LRRC4C: variants seen among roughly 807,000 people sequenced by gnomAD.
The protein encoded by LRRC4C is leucine-rich repeat-containing protein 4C.
LRRC4C carries 5 observed loss-of-function variants against 33.6 expected under a neutral mutation model. The ratio of observed to expected loss-of-function variants is 0.15; its 90% CI spans 0.08 to 0.31. LRRC4C has a LOEUF of 0.31. Among genes scored for constraint, LRRC4C ranks in the 10% least tolerant of loss-of-function variants. LRRC4C has a pLI of 1.00. For synonymous variants in LRRC4C, 329 were observed against 302.0 expected (o/e 1.09, Z -0.93); for missense variants, 560 against 796.7 (o/e 0.70, Z 3.58).
chr11:41,074,260 G>T (rs1938938431), intron 1 of LRRC4C, among the ~76,000 whole-genome samples: 1 of 152,010 alleles, frequency 6.6e-6, no homozygotes, highest in African/African-American at 2.4e-5. Context: ...GGAGAATAAA[G>T]GATGATAGAT....
intron 3 of LRRC4C, among the ~76,000 whole-genome samples, chr11:40,320,347 T>C (rs970933860): frequency 5.9e-5 from 9 of 151,692 alleles, no homozygotes; most frequent in Non-Finnish European, 2.9e-5. Context: ...CCACTAAAAA[T>C]ACAAAAAATT....
At chr11:41,138,092 A>T (rs1943343930) in intron 1 of LRRC4C, among the ~76,000 whole-genome samples, 1 of 152,210 alleles carries the variant, frequency 6.6e-6, no homozygotes, top group Admixed American at 6.6e-5. Flanking sequence ...GTATTCATTC[A>T]CTTACCTCAC....
intron 1 of LRRC4C, among the ~76,000 whole-genome samples, chr11:41,358,962 A>G (rs1170865422): frequency 6.6e-6 from 1 of 152,168 alleles, no homozygotes; most frequent in East Asian, 1.9e-4. Context: ...CAAAATTTGG[A>G]AGCAACCAAA....
At chr11:40,975,364 C>T (rs1245558869) in intron 1 of LRRC4C, among the ~76,000 whole-genome samples, 2 of 152,116 alleles carry the variant, frequency 1.3e-5, no homozygotes, top group East Asian at 3.9e-4. Flanking sequence ...GATAGATAGA[C>T]CCTATTGGTT....
chr11:40,500,756 C>A (rs1037408715), intron 3 of LRRC4C, among the ~76,000 whole-genome samples: 34 of 151,980 alleles, frequency 2.2e-4, no homozygotes, highest in African/African-American at 7.3e-5. Context: ...GGACACAGAG[C>A]CAACCCATAT....
rs115367512 is a variant in LRRC4C, at chr11:40,627,603, G to A, written c.-270+20539C>T. ...CAGGTAGCTGCACTTTGATACTAAT[G>A]TCTTCTTCCAGGTAGCACATAGAGA... On this transcript the variant is annotated intron_variant, in intron 3 of 6. Coordinates refer to ENST00000528697, the MANE Select transcript of LRRC4C (RefSeq NM_001258419.2). Among the ~76,000 whole-genome samples, 1,143 of 152,234 alleles carry A rather than the reference G, an allele frequency of 7.5e-3. 14 individuals are homozygous for A. Among genetic ancestry groups the A allele is most frequent in the African/African-American group, 0.025 (1,048 of 41,542 alleles).
At chr11:40,421,649 T>C (rs1391582512) in intron 3 of LRRC4C, among the ~76,000 whole-genome samples, 1 of 152,196 alleles carries the variant, frequency 6.6e-6, no homozygotes, top group Non-Finnish European at 1.5e-5. Flanking sequence ...GACCCACAAC[T>C]TTTTCTTTTC....
At chr11:40,207,996 C>T (rs1310110845) in intron 5 of LRRC4C, among the ~76,000 whole-genome samples, 1 of 152,132 alleles carries the variant, frequency 6.6e-6, no homozygotes, top group Non-Finnish European at 1.5e-5. Flanking sequence ...TCTGACAATA[C>T]TACGGGACAC....
At chr11:40,760,183 A>G (rs1009711634) in intron 2 of LRRC4C, among the ~76,000 whole-genome samples, 1 of 152,064 alleles carries the variant, frequency 6.6e-6, no homozygotes, top group African/African-American at 2.4e-5. Context: ...TTAAAAAAAA[A>G]TTAATGAAGG....
At position 41,079,973 on chromosome 11, in the gene LRRC4C, A is replaced by G. The variant is rs940440774; in HGVS notation, c.-495-146250T>C. On this transcript the variant is annotated intron_variant, in intron 1 of 6. Transcript: ENST00000528697. ...CTGTATTTATGTCCATTTTCTTTCA[A>G]GGTATTAACCTGTTTATCATCATCA... 7.2e-5 allele frequency among the ~76,000 whole-genome samples: 11 copies of G among 152,120 alleles called. No homozygotes were observed. In the South Asian group the frequency reaches 1.0e-3, roughly 14 times the overall value.
chr11:41,324,209 T>C (rs1164876397), intron 1 of LRRC4C, among the ~76,000 whole-genome samples: 1 of 152,132 alleles, frequency 6.6e-6, no homozygotes, highest in African/African-American at 2.4e-5. Context: ...CGCGGGAGGA[T>C]CACCTGAGGT....
chr11:40,184,790 C>G (rs1861279136), intron 5 of LRRC4C, among the ~76,000 whole-genome samples: 1 of 152,072 alleles, frequency 6.6e-6, no homozygotes, highest in African/African-American at 2.4e-5. Flanking sequence ...ATCTCACACC[C>G]AAGAATCTTG....
intron 1 of LRRC4C, among the ~76,000 whole-genome samples, chr11:41,178,096 A>G (rs1222949987): frequency 6.6e-6 from 1 of 152,230 alleles, no homozygotes; most frequent in Non-Finnish European, 1.5e-5. Flanking sequence ...TCACTAAAGC[A>G]TAAATGTGGA....
At chr11:40,546,004 A>G (rs758810312) in intron 3 of LRRC4C, among the ~76,000 whole-genome samples, 2 of 152,116 alleles carry the variant, frequency 1.3e-5, no homozygotes, top group African/African-American at 4.8e-5. Context: ...CAAGTCAGAA[A>G]TGTGATGGCA....
At position 40,114,230 on chromosome 11, in the gene LRRC4C, TAATA is replaced by T; in HGVS notation, c.*136_*139del. 1.0e-6 allele frequency: 1 copy of T among 994,478 alleles called. No homozygotes were observed. Among genetic ancestry groups the T allele is most frequent in the Non-Finnish European group, 1.4e-6 (1 of 708,904 alleles). 61.6% of individuals were successfully genotyped at this position (994,478 alleles called of 1,614,324 possible). The stretch of plus-strand genomic sequence containing the variant: ...CTGCTTTAGATCACAATAGAATTTT[TAATA>T]AATAAATTTCTTTTCTTTTTTGTTT... On this transcript the variant is annotated 3_prime_UTR_variant, in exon 7 of 7. Coordinates refer to ENST00000528697, the MANE Select transcript of LRRC4C (RefSeq NM_001258419.2).
chr11:40,601,246 C>T (rs1228980989), intron 3 of LRRC4C, among the ~76,000 whole-genome samples: 1 of 152,132 alleles, frequency 6.6e-6, no homozygotes, highest in Non-Finnish European at 1.5e-5. Flanking sequence ...CAGACATTTA[C>T]TTTTTCCATT....
intron 1 of LRRC4C, among the ~76,000 whole-genome samples, chr11:40,939,161 T>G (rs1372299124): frequency 1.1e-4 from 16 of 152,196 alleles, no homozygotes; most frequent in Admixed American, 9.8e-4. Flanking sequence ...GGTGTAATAC[T>G]AAATGATGCT....
At chr11:41,196,270 G>C (rs1049822483) in intron 1 of LRRC4C, among the ~76,000 whole-genome samples, 8 of 151,998 alleles carry the variant, frequency 5.3e-5, no homozygotes, top group Non-Finnish European at 7.4e-5. Context: ...ACTCACTTTT[G>C]AGCGTAGGAA....
intron 1 of LRRC4C, among the ~76,000 whole-genome samples, chr11:41,120,285 A>G (rs1373916502): frequency 6.6e-6 from 1 of 152,202 alleles, no homozygotes; most frequent in Non-Finnish European, 1.5e-5. Flanking sequence ...CCAAAAAACC[A>G]TCTGTCCATC....
Sources: allele counts gnomAD v4.1 joint callset (sites outside exome capture counted in the v4.1 genomes callset), GRCh38; gene constraint gnomAD v4.1.1; transcripts MANE v1.5; gene names NCBI Gene and HGNC (gene_info 2026-07-23, HGNC 2026-07-21).